The following PCLO variants were observed in gnomAD, a reference collection of about 807,000 sequenced individuals.
PCLO encodes protein piccolo.
PCLO carries 82 observed loss-of-function variants against 427.5 expected under a neutral mutation model. That is an observed-to-expected ratio of 0.19 (90% CI 0.16 to 0.23). The LOEUF (loss-of-function observed/expected upper bound fraction) is 0.23. Ranked by LOEUF, PCLO falls within the 10% of genes least tolerant of loss-of-function variation. The probability of loss-of-function intolerance (pLI) is 1.00; values close to 1 mark genes in which losing one functional copy is unlikely to be tolerated. For synonymous variants in PCLO, 2,357 were observed against 2,155.4 expected, an observed-to-expected ratio of 1.09 and a Z score of -2.59; for missense variants, 6,239 against 6,115.9, an observed-to-expected ratio of 1.02 and a Z score of -0.67.
rs372381496 is a variant in PCLO at position 82,838,249 on chromosome 7, A to G, written c.14191T>C (p.Phe4731Leu). The change falls in exon 15 of 25, where the codon TTT becomes CTT. Residue 4731 changes from phenylalanine (F) to leucine (L), a missense_variant. By Grantham distance (22) the Phe-to-Leu change is conservative (BLOSUM62 0). This residue lies in a region of PCLO where 877 missense variants were observed against 925.5 expected (regional missense o/e 0.95). Coordinates refer to ENST00000333891, the MANE Select transcript of PCLO (RefSeq NM_033026.6). ...CCTGGAAGAAGGTACACTTTCACAA[A>G]AGGGTCAGAATAACCATTGTTGTCT... Reference protein sequence around the residue: ...PRDNNGYSDPFVKVYLLPGRG... With the variant: ...PRDNNGYSDPLVKVYLLPGRG... 1.6e-5 allele frequency: 26 copies of G among 1,600,020 alleles called. No individual in the cohort carries two copies. The East Asian group carries it at 5.4e-4, about 33-fold the overall frequency.
At chr7:83,108,159 A>G (rs80311846) in intron 3 of PCLO, among the ~76,000 whole-genome samples, 2,737 of 152,206 alleles carry the variant, frequency 0.018, 85 homozygotes, top group African/African-American at 0.063. Context: ...TTGTGCATAC[A>G]TGTGAGAGAA....
intron 3 of PCLO, among the ~76,000 whole-genome samples, chr7:83,082,971 T>C (rs1175355997): frequency 6.6e-6 from 1 of 151,760 alleles, no homozygotes; most frequent in Non-Finnish European, 1.5e-5. Flanking sequence ...GTCAAAAAGA[T>C]TGATGCATTT....
chr7:82,883,646 C>T (rs189109327), intron 9 of PCLO, among the ~76,000 whole-genome samples: 3 of 152,164 alleles, frequency 2.0e-5, no homozygotes, highest in Admixed American at 2.0e-4. Context: ...CAAGTTTAAT[C>T]GAACTCTAAT....
At chr7:82,851,094 A>C (rs537812751) in intron 10 of PCLO, among the ~76,000 whole-genome samples, 1 of 152,154 alleles carries the variant, frequency 6.6e-6, no homozygotes, top group Non-Finnish European at 1.5e-5. Flanking sequence ...TTTACAATTT[A>C]TTAACATGTA....
chr7:82,926,842 G>A (rs1304088812), intron 6 of PCLO, among the ~76,000 whole-genome samples: 1 of 151,990 alleles, frequency 6.6e-6, no homozygotes, highest in Admixed American at 6.6e-5. Flanking sequence ...TTTTTTTAAG[G>A]TGAGCATTTT....
chr7:82,843,532 A>T (rs1792420532), intron 13 of PCLO, among the ~76,000 whole-genome samples: 1 of 152,162 alleles, frequency 6.6e-6, no homozygotes, highest in Admixed American at 6.6e-5. Context: ...TGAAGAGAGT[A>T]GATTTAAAAA....
chr7:82,867,974 T>A (rs931749868), intron 10 of PCLO: 1 of 360,262 alleles, frequency 2.8e-6, no homozygotes, highest in African/African-American at 2.1e-5. Flanking sequence ...GTATTTTTCT[T>A]CACAGAAGAG....
At chr7:82,990,866 C>T (rs1022267901) in intron 3 of PCLO, among the ~76,000 whole-genome samples, 2 of 151,868 alleles carry the variant, frequency 1.3e-5, no homozygotes, top group Admixed American at 1.3e-4. Flanking sequence ...TAAGATCACC[C>T]CCAATGTCAT....
rs1562933051 is a variant in PCLO, at chr7:83,038,039, T to TTATATCTA, written c.3301-71553_3301-71552insTAGATATA. Among the ~76,000 whole-genome samples the TTATATCTA allele has an allele frequency of 1.3e-4, 3 of 23,368 alleles. 1 individual carries two copies. Among genetic ancestry groups the TTATATCTA allele is most frequent in the African/African-American group, 9.2e-4 (3 of 3,274 alleles). 15.3% of individuals were successfully genotyped at this position (23,368 alleles called of 152,430 possible). On this transcript the variant is annotated intron_variant, in intron 3 of 24. Transcript: ENST00000333891. Reference sequence around the variant, plus strand: ...TATATATATATATATATTTATATATTTATATATATATCTTTATATATATAT... The same window carrying TTATATCTA: ...TATATATATATATATATTTATATATTTATATCTATATATATATATCTTTATATATATAT...
intron 10 of PCLO, among the ~76,000 whole-genome samples, chr7:82,866,053 A>T (rs922622275): frequency 6.6e-6 from 1 of 152,160 alleles, no homozygotes; most frequent in Non-Finnish European, 1.5e-5. Context: ...ACTCAGTTTC[A>T]GCCACGTTGG....
chr7:82,988,470 A>T (rs1256562016), intron 3 of PCLO, among the ~76,000 whole-genome samples: 2 of 152,200 alleles, frequency 1.3e-5, no homozygotes, highest in African/African-American at 4.8e-5. Context: ...AGACCATATA[A>T]TACTCATTCA....
chr7:82,946,173 G>GT (rs1208936778), intron 6 of PCLO, among the ~76,000 whole-genome samples: 1 of 152,134 alleles, frequency 6.6e-6, no homozygotes, highest in African/African-American at 2.4e-5. Context: ...AACAAGACTT[G>GT]CTAAGATTTC....
chr7:82,968,522 T>C (rs1050125532), intron 3 of PCLO, among the ~76,000 whole-genome samples: 1 of 147,482 alleles, frequency 6.8e-6, no homozygotes, highest in African/African-American at 2.5e-5. Context: ...TCTGACTTTT[T>C]TTTTTTTTTT....
In PCLO at chr7:83,097,030, ATATATAT is replaced by A. The variant is rs1370990923; in HGVS notation, c.3300+37213_3300+37219del. On this transcript the variant is annotated intron_variant, in intron 3 of 24. Coordinates refer to ENST00000333891, the MANE Select transcript of PCLO (RefSeq NM_033026.6). Reference sequence around the variant, plus strand: ...ATAATATATATTATATATTATATAAATATATATTATATATTATATAAATATATTATAC... The same window carrying A: ...ATAATATATATTATATATTATATAAATATATATTATATAAATATATTATAC... 1.4e-3 allele frequency among the ~76,000 whole-genome samples: 46 copies of A among 33,700 alleles called. 2 individuals carry two copies. The highest frequency in any genetic ancestry group is 6.0e-3 in the African/African-American group (44 of 7,338). 22.1% of individuals were successfully genotyped at this position (33,700 alleles called of 152,430 possible).
chr7:83,006,560 C>T (rs1476214242), intron 3 of PCLO, among the ~76,000 whole-genome samples: 1 of 151,258 alleles, frequency 6.6e-6, no homozygotes, highest in South Asian at 2.1e-4. Context: ...CTTCATTGAA[C>T]CTTGGAAATA....
At chr7:83,144,045 G>A (rs1450882417) in intron 2 of PCLO, among the ~76,000 whole-genome samples, 2 of 152,210 alleles carry the variant, frequency 1.3e-5, no homozygotes, top group African/African-American at 4.8e-5. Flanking sequence ...GCTGAAAGCA[G>A]CATATCTTTA....
chr7:83,025,261 G>A (rs1174432393), intron 3 of PCLO, among the ~76,000 whole-genome samples: 1 of 151,856 alleles, frequency 6.6e-6, no homozygotes. Flanking sequence ...GTGCTTAAAG[G>A]AGCTGATGGA....
Position 82,801,554 on chromosome 7 carries a change from GTT to G in PCLO, c.14969_14970del (p.Lys4990ThrfsTer12). On this transcript the variant is annotated frameshift_variant, in exon 22 of 25. Transcript: ENST00000333891. LOFTEE classifies it high-confidence loss of function. ...KMGQNGQEPV[K>X]QPGVGVGLAD... ...GCTAGTCCTACTCCTACCCCTGGCT[GTT>G]TTACAGGCTCTTGTCCATTCTGTCC... The G allele has an allele frequency of 6.3e-7, 1 of 1,597,960 alleles. No homozygotes were observed. The highest frequency in any genetic ancestry group is 8.6e-7 in the Non-Finnish European group (1 of 1,165,608).
intron 3 of PCLO, among the ~76,000 whole-genome samples, chr7:83,098,339 A>G (rs1225467822): frequency 1.3e-5 from 2 of 152,176 alleles, no homozygotes; most frequent in Admixed American, 6.5e-5. Flanking sequence ...ACATACAATC[A>G]TATTTATTAG....
Sources: gnomAD v4.1 joint callset for allele counts (sites outside exome capture counted in the v4.1 genomes callset) on GRCh38, gnomAD v4.1.1 for gene constraint, gnomAD v4.1.1 regional missense constraint, MANE v1.5 for transcripts, NCBI Gene and HGNC (gene_info 2026-07-23, HGNC 2026-07-21) for gene names.